The following GTF2IRD1 variants were observed in gnomAD, a reference collection of about 807,000 sequenced individuals.
The protein encoded by GTF2IRD1 is GTF2I repeat domain containing 1.
In GTF2IRD1, 26 loss-of-function variants were observed where a neutral mutation model predicts 113.2. The observed-to-expected ratio is 0.23, with a 90% CI of 0.17 to 0.32. The LOEUF is 0.32. Among genes scored for constraint, GTF2IRD1 ranks in the 10% least tolerant of loss-of-function variants. The pLI, the probability that GTF2IRD1 is intolerant of heterozygous loss-of-function variation, is 1.00. For missense variants in GTF2IRD1, 864 were observed against 1,280.8 expected, an observed-to-expected ratio of 0.67 and a Z score of 4.97; for synonymous variants, 484 against 529.1, an observed-to-expected ratio of 0.91 and a Z score of 1.17.
At chr7:74,576,545 GAAA>G (rs1335880972) in intron 22 of GTF2IRD1, among the ~76,000 whole-genome samples, 4 of 41,284 alleles carry the variant, frequency 9.7e-5, no homozygotes, top group African/African-American at 7.9e-5. Flanking sequence ...TGGGCTACAA[GAAA>G]AAAAAAAAAA....
intron 4 of GTF2IRD1, among the ~76,000 whole-genome samples, chr7:74,517,101 A>G (rs1554344804): frequency 6.6e-6 from 1 of 151,614 alleles, no homozygotes; most frequent in Non-Finnish European, 1.5e-5. Context: ...TCGGCTCATT[A>G]CAACCTCCCC....
chr7:74,530,493 ATTTTTTTT>A (rs57782999), intron 9 of GTF2IRD1, among the ~76,000 whole-genome samples: 6 of 102,236 alleles, frequency 5.9e-5, no homozygotes, highest in Non-Finnish European at 9.4e-5. Context: ...GCACTTTGTA[ATTTTTTTT>A]TTTTTTTTTT....
intron 22 of GTF2IRD1, among the ~76,000 whole-genome samples, chr7:74,562,555 C>CTTTTTTTTTTTTTTTTT (rs1167468655): frequency 1.6e-5 from 1 of 62,702 alleles, no homozygotes; most frequent in Admixed American, 2.4e-4. Flanking sequence ...CAATTGCCCT[C>CTTTTTTTTTTTTTTTTT]TTTTTTTTTT....
chr7:74,554,933 G>A (rs1799506259), intron 17 of GTF2IRD1, among the ~76,000 whole-genome samples: 2 of 152,164 alleles, frequency 1.3e-5, no homozygotes, highest in South Asian at 2.1e-4. Flanking sequence ...CCTGGAGCAG[G>A]AGTGAGATAT....
At chr7:74,577,083 G>C (rs1459552452) in intron 22 of GTF2IRD1, among the ~76,000 whole-genome samples, 2 of 152,002 alleles carry the variant, frequency 1.3e-5, no homozygotes, top group Non-Finnish European at 2.9e-5. Flanking sequence ...TGTCGCCCAG[G>C]CTGGAGTGCA....
intron 9 of GTF2IRD1, among the ~76,000 whole-genome samples, chr7:74,534,722 GTTAA>G (rs1344072792): frequency 2.2e-4 from 32 of 148,498 alleles, no homozygotes; most frequent in African/African-American, 7.5e-4. Flanking sequence ...CAAAAAAAAA[GTTAA>G]TTAATTAATT....
intron 5 of GTF2IRD1, 104 bp downstream of exon 5, chr7:74,518,426 C>A: frequency 1.2e-6 from 1 of 861,412 alleles, no homozygotes; most frequent in Non-Finnish European, 1.8e-6. Flanking sequence ...ACTTGAGATG[C>A]CCGTGGGGGA....
intron 22 of GTF2IRD1, among the ~76,000 whole-genome samples, chr7:74,574,804 C>A (rs1224248610): frequency 6.7e-6 from 1 of 149,184 alleles, no homozygotes; most frequent in Non-Finnish European, 1.5e-5. Context: ...AAAAAAAAAA[C>A]CCGGCTGAGT....
At chr7:74,470,747 T>C (rs1794032507) in intron 1 of GTF2IRD1, among the ~76,000 whole-genome samples, 2 of 152,020 alleles carry the variant, frequency 1.3e-5, no homozygotes, top group African/African-American at 2.4e-5. Context: ...TCACGAGCAT[T>C]GTGCTAAGGG....
chr7:74,594,845 G>T (rs1554371649), intron 24 of GTF2IRD1, among the ~76,000 whole-genome samples, 169 bp from the exon 25 acceptor site: 1 of 151,718 alleles, frequency 6.6e-6, no homozygotes, highest in Non-Finnish European at 1.5e-5. Flanking sequence ...CCAGCTACTC[G>T]GGAGGCTGAG....
intron 5 of GTF2IRD1, 132 bp downstream of exon 5, chr7:74,518,454 C>T: frequency 4.5e-6 from 3 of 667,936 alleles, no homozygotes; most frequent in East Asian, 2.8e-5. Context: ...GGTGAAAGCT[C>T]CCAGTCTGAT....
Position 74,589,849 on chromosome 7 carries a change from A to G in GTF2IRD1, c.2321-2A>G. ...TCATGCCCCCTTGTCTTCCTCTTGT[A>G]GATGAAGATGACGCCAACAGACTCG... On this transcript the variant is annotated splice_acceptor_variant, in intron 22 of 26. Coordinates refer to ENST00000424337, the MANE Select transcript of GTF2IRD1 (RefSeq NM_005685.4). LOFTEE classifies it high-confidence loss of function. 1 of 1,602,362 alleles carries G rather than the reference A, an allele frequency of 6.2e-7. No individual in the cohort carries two copies. The highest frequency in any genetic ancestry group is 8.6e-7 in the Non-Finnish European group (1 of 1,169,426).
At chr7:74,526,879 C>A (rs1262442587) in intron 8 of GTF2IRD1, among the ~76,000 whole-genome samples, 3 of 152,126 alleles carry the variant, frequency 2.0e-5, no homozygotes, top group African/African-American at 7.2e-5. Flanking sequence ...AGTGTGACAT[C>A]TCAGTGGGAT....
rs782784929 is a variant in GTF2IRD1, at chr7:74,595,038, T to C, written c.2616T>C (p.Asp872=). Residue 872 remains aspartate (D), a synonymous_variant, in exon 25 of 27, where the codon GAT becomes GAC. Transcript: ENST00000424337. The part of the protein sequence containing the change: ...QLQPFAEICN[D]AKVPAKDSSI... ...GACCCTTTGCAGAAATCTGCAATGATGCCAAGGTGCCAGGTGAGTCAGAGG... is the reference window on the plus strand; with the variant it reads ...GACCCTTTGCAGAAATCTGCAATGACGCCAAGGTGCCAGGTGAGTCAGAGG... 2.5e-6 allele frequency: 4 copies of C among 1,605,098 alleles called. No individual in the cohort carries two copies. The highest frequency in any genetic ancestry group is 4.5e-5 in the East Asian group (2 of 44,590).
chr7:74,524,011 T>C lies in GTF2IRD1; in HGVS notation c.1007-60T>C, dbSNP rs1403341537. 8.5e-5 allele frequency: 103 copies of C among 1,206,094 alleles called. 2 individuals are homozygous for C. In the South Asian group the frequency reaches 1.2e-3, roughly 14 times the overall value. The allele number at this position is 1,206,094 out of a possible 1,614,324, so 74.7% of individuals were successfully genotyped here. On this transcript the variant is annotated intron_variant, in intron 7 of 26. Transcript: ENST00000424337. Reference sequence around the variant, plus strand: ...GTGAAAGCCCGGTGGTCATGGCCGGTGGAGGGCGTGTGACCGTCCCGTGGG... The same window carrying C: ...GTGAAAGCCCGGTGGTCATGGCCGGCGGAGGGCGTGTGACCGTCCCGTGGG...
At chr7:74,538,847 C>T (rs1554350952) in intron 13 of GTF2IRD1, 87 bp downstream of exon 13, 2 of 735,584 alleles carry the variant, frequency 2.7e-6, no homozygotes, top group African/African-American at 1.7e-5. Flanking sequence ...AAGAAGTGGC[C>T]TCCAGGCCGC....
At chr7:74,463,050 G>T (rs782347525) in intron 1 of GTF2IRD1, among the ~76,000 whole-genome samples, 9 of 152,168 alleles carry the variant, frequency 5.9e-5, no homozygotes, top group Non-Finnish European at 1.3e-4. Flanking sequence ...TGCGTCTCTG[G>T]TCTTCACTCC....
intron 3 of GTF2IRD1, 152 bp from the exon 4 acceptor site, chr7:74,515,289 G>A: frequency 6.7e-7 from 1 of 1,486,492 alleles, no homozygotes; most frequent in East Asian, 2.5e-5. Flanking sequence ...AATAGGGCTT[G>A]CTCACTCATT....
Position 74,476,961 on chromosome 7 carries a change from G to A in GTF2IRD1, c.-7+22785G>A, listed in dbSNP as rs571089083. Among the ~76,000 whole-genome samples, 3 of 152,310 alleles carry A rather than the reference G, an allele frequency of 2.0e-5. No individual in the cohort carries two copies. The South Asian group carries it at 6.2e-4, about 32-fold the overall frequency. On this transcript the variant is annotated intron_variant, in intron 1 of 26. Transcript: ENST00000424337. ...AGCGTCCCACAGCATCTAAAAGACG[G>A]GAACAAGGGCTGAGGATGTGGGTAG...
Sources: gnomAD v4.1 joint callset for allele counts (sites outside exome capture counted in the v4.1 genomes callset) on GRCh38, gnomAD v4.1.1 for gene constraint, MANE v1.5 for transcripts, NCBI Gene and HGNC (gene_info 2026-07-23, HGNC 2026-07-21) for gene names.